TET2: variants seen among roughly 807,000 people sequenced by gnomAD.
The protein encoded by TET2 is methylcytosine dioxygenase TET2.
Under a neutral mutation model 142.9 loss-of-function variants are expected in TET2, and 299 were observed. The ratio of observed to expected loss-of-function variants is 2.09; its 90% CI spans 1.90 to 2.30. The LOEUF (loss-of-function observed/expected upper bound fraction) is 2.30, where lower values mean the gene tolerates loss of function less well. TET2 is among the 30% of genes most tolerant of loss of function. The probability of loss-of-function intolerance (pLI) is 0.00; values close to 1 mark genes in which losing one functional copy is unlikely to be tolerated. For missense variants in TET2, 2,418 were observed against 2,378.0 expected (o/e 1.02, Z -0.35); for synonymous variants, 819 against 849.0 (o/e 0.96, Z 0.61).
At chr4:105,260,940 C>G (rs745927292) in intron 7 of TET2, among the ~76,000 whole-genome samples, 3 of 151,916 alleles carry the variant, frequency 2.0e-5, no homozygotes, top group Non-Finnish European at 4.4e-5. Context: ...ATCACTTTCA[C>G]GAGGTTTCAT....
rs770671066 is a variant in TET2 at position 105,235,166 on chromosome 4, CCCT to C, written c.1232_1234del (p.Pro411del). 3 of 1,613,840 alleles carry C rather than the reference CCCT, an allele frequency of 1.9e-6. No individual in the cohort carries two copies. The highest frequency in any genetic ancestry group is 1.7e-5 in the Admixed American group (1 of 59,984). On this transcript the variant is annotated inframe_deletion, in exon 3 of 11. Transcript: ENST00000380013. ...CACCATCACAATTGCTTCTTTCTCC[CCCT>C]CCTCCTCTTCCACAGGTTCCTCAGC...
At chr4:105,207,205 G>T (rs1560752557) in intron 2 of TET2, among the ~76,000 whole-genome samples, 1 of 152,152 alleles carries the variant, frequency 6.6e-6, no homozygotes, top group Non-Finnish European at 1.5e-5. Flanking sequence ...AATATTGTAA[G>T]TATACGGGGA....
At chr4:105,175,608 T>C (rs1172829144) in intron 1 of TET2, among the ~76,000 whole-genome samples, 1 of 151,966 alleles carries the variant, frequency 6.6e-6, no homozygotes, top group Non-Finnish European at 1.5e-5. Context: ...ATAATGTACG[T>C]GCAATGGGCA....
chr4:105,163,617 C>T (rs767795793), intron 1 of TET2, among the ~76,000 whole-genome samples: 1 of 152,140 alleles, frequency 6.6e-6, no homozygotes, highest in African/African-American at 2.4e-5. Flanking sequence ...GGTGCTATTA[C>T]TCTCCTCACT....
At chr4:105,221,902 C>A (rs923317121) in intron 2 of TET2, among the ~76,000 whole-genome samples, 2 of 140,144 alleles carry the variant, frequency 1.4e-5, no homozygotes, top group African/African-American at 5.4e-5. Flanking sequence ...GTGTGATGTT[C>A]CCCTTCCTGT....
intron 1 of TET2, among the ~76,000 whole-genome samples, chr4:105,186,331 T>G (rs548686898): frequency 2.0e-5 from 3 of 152,272 alleles, no homozygotes; most frequent in African/African-American, 7.2e-5. Flanking sequence ...ACCCCCTTCA[T>G]GGCCCTTATC....
chr4:105,198,506 G>A lies in TET2; in HGVS notation c.-47+8001G>A, dbSNP rs1045012309. Among the ~76,000 whole-genome samples, 4 of 152,138 alleles carry A rather than the reference G, an allele frequency of 2.6e-5. No individual in the cohort carries two copies. In the East Asian group the frequency reaches 7.7e-4, roughly 29 times the overall value. ...TAACCTAAGTCAGAAACTAAAATAT[G>A]TTATAAAATGCTAACATCAAATATT... On this transcript the variant is annotated intron_variant, in intron 2 of 10. Coordinates refer to ENST00000380013, the MANE Select transcript of TET2 (RefSeq NM_001127208.3).
chr4:105,200,619 G>T (rs1726396110), intron 2 of TET2, among the ~76,000 whole-genome samples: 1 of 150,542 alleles, frequency 6.6e-6, no homozygotes, highest in South Asian at 2.1e-4. Flanking sequence ...TTAACTCCCA[G>T]GTCACACTGT....
At chr4:105,233,228 A>G (rs953205854) in intron 2 of TET2, among the ~76,000 whole-genome samples, 1 of 151,896 alleles carries the variant, frequency 6.6e-6, no homozygotes, top group Non-Finnish European at 1.5e-5. Flanking sequence ...TACTAAAAAT[A>G]CAAAAATTAG....
chr4:105,234,530 C>G lies in TET2; in HGVS notation c.588C>G (p.Asn196Lys), dbSNP rs2110221831. ...AAAGTGCTAATTACCATGACAAGAA[C>G]ATTGTATTACTTAAAAACAAGGCAG... ...EGKSANYHDK[N>K]IVLLKNKAVL... The change falls in exon 3 of 11, where the codon AAC (asparagine) becomes AAG (lysine). Residue 196 changes from asparagine to lysine, a missense_variant. Transcript: ENST00000380013. 1.2e-6 allele frequency: 2 copies of G among 1,614,116 alleles called. No homozygotes were observed. Among genetic ancestry groups the G allele is most frequent in the Non-Finnish European group, 1.7e-6 (2 of 1,180,012 alleles).
In TET2 at chr4:105,190,730, G is replaced by A. The variant is rs937233117; in HGVS notation, c.-47+225G>A. 1.8e-5 allele frequency: 8 copies of A among 446,792 alleles called. No individual in the cohort carries two copies. In the East Asian group the frequency reaches 2.1e-4, roughly 12 times the overall value. The allele number at this position is 446,792 out of a possible 1,614,324, so 27.7% of individuals were successfully genotyped here. A position where few individuals can be genotyped will look rare whatever the true frequency, so the allele number is the denominator to read the frequency against. On this transcript the variant is annotated intron_variant, in intron 2 of 10. Transcript: ENST00000380013. ...AGCTGTATTTTTCTGGAGAAAGATA[G>A]ATTTTTATCAATTCTCAATGTCTAT...
At chr4:105,240,190 C>T in intron 3 of TET2, 2 of 252,698 alleles carry the variant, frequency 7.9e-6, no homozygotes, top group East Asian at 6.7e-5. Context: ...ATGAAGTGAG[C>T]ACATGCTGTT....
intron 6 of TET2, among the ~76,000 whole-genome samples, chr4:105,245,265 G>A (rs745352392): frequency 2.4e-4 from 36 of 152,102 alleles, no homozygotes; most frequent in Admixed American, 3.9e-4. Context: ...ATGATTAATT[G>A]GAAGGTAGAA....
chr4:105,244,611 T>TTTTTTTTTTTTTTG, intron 6 of TET2, among the ~76,000 whole-genome samples: 1 of 129,358 alleles, frequency 7.7e-6, no homozygotes. Context: ...TTTTTTTTTT[T>TTTTTTTTTTTTTTG]TGAGATGGAG....
chr4:105,166,799 A>G (rs186822202), intron 1 of TET2, among the ~76,000 whole-genome samples: 2 of 152,194 alleles, frequency 1.3e-5, no homozygotes, highest in East Asian at 3.9e-4. Context: ...AGGATTGCTT[A>G]TGAGATAGAT....
At chr4:105,226,750 G>A (rs1420228113) in intron 2 of TET2, among the ~76,000 whole-genome samples, 2 of 152,096 alleles carry the variant, frequency 1.3e-5, no homozygotes, top group Non-Finnish European at 2.9e-5. Context: ...ACCCAAAGCA[G>A]ATGCCAGTGC....
chr4:105,275,442 A>T lies in TET2; in HGVS notation c.4932A>T (p.Pro1644=). 6.4e-7 allele frequency: 1 copy of T among 1,551,632 alleles called. No homozygotes were observed. The highest frequency in any genetic ancestry group is 8.7e-7 in the Non-Finnish European group (1 of 1,146,968). The change falls in exon 11 of 11, where the codon CCA becomes CCT. Residue 1644 remains proline (P), a synonymous_variant. Transcript: ENST00000380013. ...NGNLSVDNCS[P]YLGSYSPQSQ... Reference sequence around the variant, plus strand: ...ACCTATCAGTGGACAACTGCTCCCCATATCTGGGTTCCTATTCTCCCCAGT... The same window carrying T: ...ACCTATCAGTGGACAACTGCTCCCCTTATCTGGGTTCCTATTCTCCCCAGT...
At chr4:105,182,544 A>C (rs1009771670) in intron 1 of TET2, among the ~76,000 whole-genome samples, 1 of 152,264 alleles carries the variant, frequency 6.6e-6, no homozygotes, top group Non-Finnish European at 1.5e-5. Context: ...GCAATTTTGC[A>C]GAATGCATAG....
At chr4:105,194,362 T>G (rs1247358261) in intron 2 of TET2, among the ~76,000 whole-genome samples, 1 of 152,186 alleles carries the variant, frequency 6.6e-6, no homozygotes, top group South Asian at 2.1e-4. Flanking sequence ...TTTACAATGT[T>G]ATCTTTTTAT....
Sources: gnomAD v4.1 joint callset for allele counts (sites outside exome capture counted in the v4.1 genomes callset) on GRCh38, gnomAD v4.1.1 for gene constraint, MANE v1.5 for transcripts, NCBI Gene and HGNC (gene_info 2026-07-23, HGNC 2026-07-21) for gene names.